GLT1D1: variants seen among roughly 807,000 people sequenced by gnomAD.
The protein encoded by GLT1D1 is glycosyltransferase 1 domain containing 1, also known as glycosyltransferase 1 domain-containing protein 1.
GLT1D1 carries 21 observed loss-of-function variants against 28.7 expected under a neutral mutation model. The observed-to-expected ratio is 0.73, with a 90% confidence interval of 0.52 to 1.05. The LOEUF (loss-of-function observed/expected upper bound fraction) is 1.05. Among genes scored for constraint, GLT1D1 ranks in the 50% least tolerant of loss-of-function variants. The pLI is 0.00. For synonymous variants in GLT1D1, 147 were observed against 124.8 expected (o/e 1.18, Z -1.19); for missense variants, 343 against 330.6 (o/e 1.04, Z -0.29).
At chr12:128,919,394 A>C (rs1248750544) in intron 4 of GLT1D1, among the ~76,000 whole-genome samples, 3 of 152,190 alleles carry the variant, frequency 2.0e-5, no homozygotes, top group Non-Finnish European at 2.9e-5. Flanking sequence ...CAGTTGAGTG[A>C]TTGATTAGTC....
intron 4 of GLT1D1, among the ~76,000 whole-genome samples, chr12:128,936,433 C>T (rs554730340): frequency 1.3e-5 from 2 of 152,324 alleles, no homozygotes; most frequent in South Asian, 2.1e-4. Flanking sequence ...GGATGACAGG[C>T]GTGAGCCACC....
chr12:128,967,442 C>G (rs905523898), intron 7 of GLT1D1, among the ~76,000 whole-genome samples: 2 of 152,226 alleles, frequency 1.3e-5, no homozygotes, highest in African/African-American at 2.4e-5. Context: ...CTGCTCGATG[C>G]TTCTTCGGGA....
chr12:128,973,590 G>C (rs1303352753), intron 7 of GLT1D1, among the ~76,000 whole-genome samples: 1 of 151,738 alleles, frequency 6.6e-6, no homozygotes, highest in African/African-American at 2.4e-5. Flanking sequence ...ACTTCCTCCT[G>C]CTCTAACCCG....
chr12:128,868,819 A>G (rs746790353), intron 1 of GLT1D1, among the ~76,000 whole-genome samples: 5 of 152,132 alleles, frequency 3.3e-5, no homozygotes, highest in Admixed American at 2.0e-4. Context: ...CTTTAATATT[A>G]TATTCTCTTT....
At chr12:128,906,504 C>T (rs1009638896) in intron 4 of GLT1D1, among the ~76,000 whole-genome samples, 12 of 152,162 alleles carry the variant, frequency 7.9e-5, no homozygotes, top group African/African-American at 2.9e-4. Flanking sequence ...TGTTTTCACA[C>T]TCTTTTCCTA....
intron 4 of GLT1D1, among the ~76,000 whole-genome samples, chr12:128,943,023 A>G (rs1875530701): frequency 6.6e-6 from 1 of 152,160 alleles, no homozygotes; most frequent in South Asian, 2.1e-4. Context: ...CTGGGATTAT[A>G]GGCGTGAGCC....
At chr12:128,854,640 G>T (rs1338009085) in intron 1 of GLT1D1, among the ~76,000 whole-genome samples, 2 of 151,742 alleles carry the variant, frequency 1.3e-5, no homozygotes. Flanking sequence ...GGGATTACAG[G>T]TGTGCACCAC....
intron 6 of GLT1D1, among the ~76,000 whole-genome samples, chr12:128,956,265 C>A: frequency 6.6e-6 from 1 of 151,680 alleles, no homozygotes; most frequent in Non-Finnish European, 1.5e-5. Context: ...GCCTAGCTGA[C>A]CTTAAATATG....
In GLT1D1 at chr12:128,945,328, C is replaced by T. The variant is rs1326539962; in HGVS notation, c.378C>T (p.Val126=). ...CATTTATCTTTGTCTCTTTTCAGGT[C>T]GATCCAGTGTTTACAAGGGAAGTGA... is the stretch of plus-strand genomic sequence containing the variant. Residue 126 remains valine (V), a splice_region_variant and synonymous_variant, in exon 5 of 8, where the codon GTC becomes GTT. Coordinates refer to ENST00000281703, the MANE Select transcript of GLT1D1 (RefSeq NM_144669.3). 5.6e-6 allele frequency: 9 copies of T among 1,613,950 alleles called. No homozygotes were observed. The highest frequency in any genetic ancestry group is 2.2e-5 in the East Asian group (1 of 44,876).
intron 1 of GLT1D1, among the ~76,000 whole-genome samples, chr12:128,874,059 C>CTTTCTTT (rs1956774983): frequency 8.6e-5 from 3 of 34,694 alleles, no homozygotes; most frequent in East Asian, 8.8e-4. Context: ...CTCCCTCCCT[C>CTTTCTTT]CTTTCTTTCT....
chr12:128,924,928 A>G (rs1475215241), intron 4 of GLT1D1, among the ~76,000 whole-genome samples: 2 of 152,132 alleles, frequency 1.3e-5, no homozygotes, highest in Non-Finnish European at 2.9e-5. Context: ...TCCACTTCAG[A>G]TGGGAAGGGC....
At chr12:128,855,746 C>CTTTTTT (rs34715979) in intron 1 of GLT1D1, among the ~76,000 whole-genome samples, 124 of 95,172 alleles carry the variant, frequency 1.3e-3, no homozygotes, top group African/African-American at 2.3e-3. Context: ...TGCTGGTTGC[C>CTTTTTT]TTTTTTTTTT....
intron 7 of GLT1D1, among the ~76,000 whole-genome samples, chr12:128,963,475 C>T (rs1458605195): frequency 6.6e-6 from 1 of 152,034 alleles, no homozygotes; most frequent in South Asian, 2.1e-4. Context: ...GGTGAATCCC[C>T]ATCTCTACTA....
At chr12:128,975,136 C>T (rs1463841395) in intron 7 of GLT1D1, among the ~76,000 whole-genome samples, 3 of 152,168 alleles carry the variant, frequency 2.0e-5, no homozygotes, top group Non-Finnish European at 4.4e-5. Flanking sequence ...GTTAGATACA[C>T]GCTCAGGCAT....
chr12:128,907,785 G>C (rs961562672), intron 4 of GLT1D1, among the ~76,000 whole-genome samples: 1 of 152,176 alleles, frequency 6.6e-6, no homozygotes, highest in Non-Finnish European at 1.5e-5. Flanking sequence ...ATCCATTCCA[G>C]AGCATAGATC....
chr12:128,969,512 A>T (rs146636004), intron 7 of GLT1D1, among the ~76,000 whole-genome samples: 10 of 152,204 alleles, frequency 6.6e-5, no homozygotes, highest in Non-Finnish European at 1.2e-4. Flanking sequence ...CTGGGTGTGC[A>T]CCGAGCTGAG....
intron 7 of GLT1D1, among the ~76,000 whole-genome samples, chr12:128,973,179 G>GTTGTTTTTTTTTTTTTT (rs1879368598): frequency 2.0e-5 from 1 of 50,958 alleles, no homozygotes; most frequent in Non-Finnish European, 4.0e-5. Context: ...TGTTTGCTTG[G>GTTGTTTTTTTTTTTTTT]TTTTTTTTTT....
At chr12:128,903,050 T>C (rs1870468914) in intron 4 of GLT1D1, among the ~76,000 whole-genome samples, 1 of 151,446 alleles carries the variant, frequency 6.6e-6, no homozygotes, top group African/African-American at 2.4e-5. Flanking sequence ...AGAAATATTT[T>C]ACCTGTGGAA....
chr12:128,957,490 C>T lies in GLT1D1; in HGVS notation c.541-55C>T, dbSNP rs75453126. On this transcript the variant is annotated intron_variant, in intron 6 of 7. Coordinates refer to ENST00000281703, the MANE Select transcript of GLT1D1 (RefSeq NM_144669.3). ...TCTGCCCCGCCCTGACTCATCTTGC[C>T]GCAGAGGCTCTTGAAATGACTGCCT... 955 of 1,233,460 alleles carry T rather than the reference C, an allele frequency of 7.7e-4. 6 individuals carry two copies. The African/African-American group carries it at 0.011, about 14-fold the overall frequency. 76.4% of individuals were successfully genotyped at this position (1,233,460 alleles called of 1,614,324 possible).
Sources: gnomAD v4.1 joint callset for allele counts (sites outside exome capture counted in the v4.1 genomes callset) on GRCh38, gnomAD v4.1.1 for gene constraint, MANE v1.5 for transcripts, NCBI Gene and HGNC (gene_info 2026-07-23, HGNC 2026-07-21) for gene names.